The following TFEC variants were observed in gnomAD, a reference collection of about 807,000 sequenced individuals.
The protein encoded by TFEC is class E basic helix-loop-helix protein 34.
TFEC carries 31 observed loss-of-function variants against 41.6 expected under a neutral mutation model. The ratio of observed to expected loss-of-function variants is 0.74; its 90% CI spans 0.56 to 1.01. The LOEUF is 1.01. Ranked by LOEUF, TFEC falls within the 50% of genes least tolerant of loss-of-function variation. TFEC has a pLI of 0.00. For missense variants in TFEC, 402 were observed against 404.1 expected, an observed-to-expected ratio of 0.99 and a Z score of 0.04; for synonymous variants, 143 against 140.6, an observed-to-expected ratio of 1.02 and a Z score of -0.12.
At chr7:115,961,940 C>A (rs1792577394) in intron 3 of TFEC, among the ~76,000 whole-genome samples, 1 of 151,746 alleles carries the variant, frequency 6.6e-6, no homozygotes, top group Admixed American at 6.6e-5. Flanking sequence ...CTTACACACA[C>A]ACATGCACAC....
chr7:116,018,821 C>T (rs1795288454), intron 1 of TFEC, among the ~76,000 whole-genome samples: 1 of 152,040 alleles, frequency 6.6e-6, no homozygotes, highest in African/African-American at 2.4e-5. Flanking sequence ...AAGGTAGAGG[C>T]CCCAACTGAG....
intron 2 of TFEC, among the ~76,000 whole-genome samples, chr7:115,978,042 T>G (rs1793463026): frequency 6.6e-6 from 1 of 152,110 alleles, no homozygotes; most frequent in Non-Finnish European, 1.5e-5. Context: ...ATTGTAACTG[T>G]TAAATCCTAA....
At chr7:116,025,299 T>C (rs970349420) in intron 1 of TFEC, among the ~76,000 whole-genome samples, 16 of 152,136 alleles carry the variant, frequency 1.1e-4, no homozygotes, top group African/African-American at 3.6e-4. Flanking sequence ...TATGAGACAT[T>C]GGCCCATTGT....
At chr7:115,958,940 G>GTCCA (rs1350499352) in intron 3 of TFEC, among the ~76,000 whole-genome samples, 3 of 151,738 alleles carry the variant, frequency 2.0e-5, no homozygotes, top group African/African-American at 7.3e-5. Flanking sequence ...AGATGTAAGA[G>GTCCA]TCCAGTGTTA....
intron 3 of TFEC, among the ~76,000 whole-genome samples, chr7:116,087,802 A>G (rs1423084740): frequency 1.3e-5 from 2 of 152,110 alleles, no homozygotes; most frequent in African/African-American, 4.8e-5. Flanking sequence ...CTCCAGCAAC[A>G]GGGATCTCAA....
At chr7:116,102,076 A>G (rs1270211878) in intron 3 of TFEC, among the ~76,000 whole-genome samples, 3 of 152,270 alleles carry the variant, frequency 2.0e-5, no homozygotes, top group Non-Finnish European at 4.4e-5. Flanking sequence ...TCAACCCTTA[A>G]TTATTAATAT....
chr7:116,042,957 T>C (rs1383183371), intron 3 of TFEC, among the ~76,000 whole-genome samples: 1 of 152,176 alleles, frequency 6.6e-6, no homozygotes, highest in Non-Finnish European at 1.5e-5. Context: ...AGAGAGCTGA[T>C]CACAAATACA....
chr7:116,102,846 T>A (rs889867925), intron 3 of TFEC, among the ~76,000 whole-genome samples: 2 of 152,204 alleles, frequency 1.3e-5, no homozygotes, highest in African/African-American at 4.8e-5. Context: ...AGGAGGGCTA[T>A]AAATGAGACA....
intron 3 of TFEC, among the ~76,000 whole-genome samples, chr7:116,056,353 C>T (rs1796430598): frequency 6.6e-6 from 1 of 152,062 alleles, no homozygotes; most frequent in Admixed American, 6.6e-5. Context: ...GTTCTCAAGA[C>T]AGTATACCAA....
intron 3 of TFEC, among the ~76,000 whole-genome samples, chr7:116,070,040 ATACT>A (rs1371716813): frequency 6.6e-6 from 1 of 151,488 alleles, no homozygotes; most frequent in Non-Finnish European, 1.5e-5. Flanking sequence ...ATATACATAC[ATACT>A]TAATATGTAC....
At chr7:116,110,740 T>G in exon 3 of TFEC, 2 of 1,527,634 alleles carry the variant, frequency 1.3e-6, no homozygotes, top group Non-Finnish European at 1.8e-6. Flanking sequence ...CTTGAATAAA[T>G]TTGTGGTCTT....
chr7:116,131,128 C>A (rs1798323763), intron 1 of TFEC, among the ~76,000 whole-genome samples: 1 of 152,094 alleles, frequency 6.6e-6, no homozygotes, highest in Non-Finnish European at 1.5e-5. Context: ...TTATGTGCAG[C>A]AAATTTTTAA....
chr7:116,134,979 T>C (rs141441351), intron 1 of TFEC, among the ~76,000 whole-genome samples: 4 of 152,152 alleles, frequency 2.6e-5, no homozygotes, highest in African/African-American at 9.7e-5. Flanking sequence ...ATATTTGACC[T>C]AGAATATCAT....
In TFEC at chr7:115,945,326, A is replaced by C. The variant is rs753732853; in HGVS notation, c.516-3286T>G. 5.2e-4 allele frequency among the ~76,000 whole-genome samples: 79 copies of C among 151,506 alleles called. 1 individual carries two copies. The highest frequency in any genetic ancestry group is 4.4e-5 in the Non-Finnish European group (3 of 67,924). ...CCTAATAACATTTGAAAATTTGACA[A>C]ATGGATCCAGAATAATTTTGTCACG... is the stretch of plus-strand genomic sequence containing the variant. On this transcript the variant is annotated intron_variant, in intron 6 of 7. Coordinates refer to ENST00000265440, the MANE Select transcript of TFEC (RefSeq NM_012252.4).
intron 3 of TFEC, among the ~76,000 whole-genome samples, chr7:116,046,359 T>C (rs968705564): frequency 6.6e-6 from 1 of 152,180 alleles, no homozygotes; most frequent in African/African-American, 2.4e-5. Context: ...GGTGACGGTT[T>C]TCCTGTGCTA....
At chr7:116,050,777 C>T (rs1584454345) in intron 3 of TFEC, among the ~76,000 whole-genome samples, 3 of 152,316 alleles carry the variant, frequency 2.0e-5, no homozygotes, top group Admixed American at 1.3e-4. Context: ...TACCATTTGA[C>T]CCAGCCATCC....
chr7:115,950,977 T>G lies in TFEC; in HGVS notation c.440-28A>C, dbSNP rs377412262. 161 of 1,402,622 alleles carry G rather than the reference T, an allele frequency of 1.1e-4. 1 individual carries two copies. The South Asian group carries it at 1.6e-3, about 14-fold the overall frequency. The allele number at this position is 1,402,622 out of a possible 1,614,324, so 86.9% of individuals were successfully genotyped here. ...ATTAAAGAAGAAATATTATTGATTA[T>G]TCTCATTAATGCACAGTTCACTTTT... On this transcript the variant is annotated intron_variant, in intron 5 of 7. Coordinates refer to ENST00000265440, the MANE Select transcript of TFEC (RefSeq NM_012252.4).
At chr7:115,984,589 C>G in intron 1 of TFEC, 76 bp from the exon 2 acceptor site, 1 of 1,514,884 alleles carries the variant, frequency 6.6e-7, no homozygotes, top group Non-Finnish European at 8.9e-7. Context: ...CACAATTGCA[C>G]TAGGATAATA....
intron 3 of TFEC, among the ~76,000 whole-genome samples, chr7:116,050,413 T>C (rs1796279738): frequency 6.6e-6 from 1 of 152,170 alleles, no homozygotes; most frequent in Non-Finnish European, 1.5e-5. Flanking sequence ...AAAGGGCTAA[T>C]ATCCAGAATC....
Sources: allele counts gnomAD v4.1 joint callset (sites outside exome capture counted in the v4.1 genomes callset), GRCh38; gene constraint gnomAD v4.1.1; transcripts MANE v1.5; gene names NCBI Gene and HGNC (gene_info 2026-07-23, HGNC 2026-07-21).